The following ADAMTS18 variants were observed in gnomAD, a reference collection of about 807,000 sequenced individuals.
The protein encoded by ADAMTS18 is ADAM metallopeptidase with thrombospondin type 1 motif 18.
A neutral mutation model predicts 165.9 loss-of-function variants in ADAMTS18; 157 were observed. The ratio of observed to expected loss-of-function variants is 0.95; its 90% CI spans 0.83 to 1.08. The LOEUF is 1.08. Ranked by LOEUF, ADAMTS18 falls within the 50% of genes least tolerant of loss-of-function variation. The probability of loss-of-function intolerance (pLI) is 0.00; values close to 1 mark genes in which losing one functional copy is unlikely to be tolerated. For synonymous variants in ADAMTS18, 782 were observed against 578.2 expected, an observed-to-expected ratio of 1.35 and a Z score of -5.06; for missense variants, 2,040 against 1,534.0, an observed-to-expected ratio of 1.33 and a Z score of -5.51.
intron 11 of ADAMTS18, among the ~76,000 whole-genome samples, chr16:77,336,558 C>T (rs977449206): frequency 1.3e-5 from 2 of 152,152 alleles, no homozygotes; most frequent in Non-Finnish European, 2.9e-5. Context: ...ATAAAAGGTG[C>T]CCACTTCAGA....
At chr16:77,352,507 T>C (rs1680676728) in intron 10 of ADAMTS18, among the ~76,000 whole-genome samples, 3 of 152,168 alleles carry the variant, frequency 2.0e-5, no homozygotes, top group Admixed American at 6.5e-5. Flanking sequence ...GCGGTAATAA[T>C]TCTTCCTTGA....
chr16:77,320,137 T>A (rs769166393), intron 15 of ADAMTS18, 44 bp from the exon 16 acceptor site: 3 of 1,612,880 alleles, frequency 1.9e-6, no homozygotes, highest in Admixed American at 3.3e-5. Context: ...ACCCCATGCA[T>A]TGGAGAAAAG....
At chr16:77,317,636 C>G (rs951093717) in intron 16 of ADAMTS18, among the ~76,000 whole-genome samples, 1 of 152,130 alleles carries the variant, frequency 6.6e-6, no homozygotes, top group South Asian at 2.1e-4. Flanking sequence ...TTCTGAAGTT[C>G]TAGCAAATCT....
intron 11 of ADAMTS18, among the ~76,000 whole-genome samples, chr16:77,338,749 C>T (rs986547416): frequency 1.1e-4 from 16 of 151,464 alleles, no homozygotes; most frequent in African/African-American, 3.6e-4. Flanking sequence ...GTCAGGAGAC[C>T]GAGAGCATCC....
intron 3 of ADAMTS18, among the ~76,000 whole-genome samples, chr16:77,427,149 G>A (rs1444880528): frequency 6.6e-6 from 1 of 152,128 alleles, no homozygotes; most frequent in Non-Finnish European, 1.5e-5. Flanking sequence ...ACACCTTCCT[G>A]TGTCCAGCCT....
intron 22 of ADAMTS18, 107 bp from the exon 23 acceptor site, chr16:77,284,178 T>C: frequency 1.4e-6 from 1 of 728,598 alleles, no homozygotes; most frequent in Non-Finnish European, 2.4e-6. Context: ...TGGAGTGCAG[T>C]GGTGTGGTGT....
At chr16:77,359,502 G>A (rs2056680088) in intron 7 of ADAMTS18, 79 bp from the exon 8 acceptor site, 3 of 1,156,514 alleles carry the variant, frequency 2.6e-6, no homozygotes, top group African/African-American at 1.7e-5. Flanking sequence ...TCCTCAAAAT[G>A]TTCTACACAG....
chr16:77,375,604 G>A (rs2056939008), intron 3 of ADAMTS18, among the ~76,000 whole-genome samples: 1 of 152,164 alleles, frequency 6.6e-6, no homozygotes, highest in Admixed American at 6.5e-5. Context: ...GGAAGGGGTG[G>A]TGAGAACAGG....
At chr16:77,364,068 G>C (rs2056755678) in intron 5 of ADAMTS18, 120 bp downstream of exon 5, 3 of 1,361,840 alleles carry the variant, frequency 2.2e-6, no homozygotes, top group Admixed American at 1.7e-5. Flanking sequence ...TAAAAGTAAT[G>C]GCAGAAACTG....
At chr16:77,354,273 G>C (rs527569423) in intron 9 of ADAMTS18, among the ~76,000 whole-genome samples, 1 of 152,276 alleles carries the variant, frequency 6.6e-6, no homozygotes, top group Non-Finnish European at 1.5e-5. Context: ...AAATAAACCA[G>C]ACAGACACAG....
Position 77,434,801 on chromosome 16 carries a change from G to C in ADAMTS18, c.-106C>G. On this transcript the variant is annotated 5_prime_UTR_variant, in exon 1 of 23. Coordinates refer to ENST00000282849, the MANE Select transcript of ADAMTS18 (RefSeq NM_199355.4). ...CCCGGAGCTCGGCGCCCCAGGTGCG[G>C]CTCCAGGTGAGAGCCGCCGCCGTTC... 2.0e-6 allele frequency: 2 copies of C among 1,002,748 alleles called. No individual in the cohort carries two copies. The highest frequency in any genetic ancestry group is 2.8e-5 in the South Asian group (1 of 35,926). The allele number at this position is 1,002,748 out of a possible 1,614,324, so 62.1% of individuals were successfully genotyped here. A position where few individuals can be genotyped will look rare whatever the true frequency, so the allele number is the denominator to read the frequency against.
intron 14 of ADAMTS18, 64 bp downstream of exon 14, chr16:77,322,272 G>T: frequency 1.9e-6 from 3 of 1,591,200 alleles, no homozygotes; most frequent in Non-Finnish European, 2.6e-6. Context: ...CACTGTTCAC[G>T]GTACACACGA....
intron 3 of ADAMTS18, among the ~76,000 whole-genome samples, chr16:77,385,711 G>A (rs376259880): frequency 6.6e-6 from 1 of 152,166 alleles, no homozygotes; most frequent in South Asian, 2.1e-4. Context: ...TTGGGCAGGT[G>A]CACAGTGGAG....
At chr16:77,369,721 G>A (rs567472496) in intron 3 of ADAMTS18, among the ~76,000 whole-genome samples, 2 of 152,038 alleles carry the variant, frequency 1.3e-5, no homozygotes, top group East Asian at 1.9e-4. Flanking sequence ...TTGAAGAGGG[G>A]GTAGTTTTCC....
intron 19 of ADAMTS18, among the ~76,000 whole-genome samples, chr16:77,294,199 T>C (rs1331080699): frequency 6.6e-6 from 1 of 152,114 alleles, no homozygotes; most frequent in African/African-American, 2.4e-5. Context: ...TGAGCTATCA[T>C]CTGCAAGGGA....
chr16:77,333,814 CTATATATTAATAG>C (rs1172747287), intron 12 of ADAMTS18, among the ~76,000 whole-genome samples: 1 of 146,044 alleles, frequency 6.8e-6, no homozygotes, highest in Non-Finnish European at 1.5e-5. Flanking sequence ...AGTACAGATA[CTATATATTAATAG>C]TATATATTAA....
rs769235408 is a variant in ADAMTS18 at position 77,362,198 on chromosome 16, G to C, written c.1123C>G (p.Leu375Val). 10 of 1,614,052 alleles carry C rather than the reference G, an allele frequency of 6.2e-6. No individual in the cohort carries two copies. In the South Asian group the frequency reaches 7.7e-5, roughly 12 times the overall value. Residue 375 changes from leucine (L) to valine (V), a missense_variant, in exon 7 of 23, where the codon CTC (leucine) becomes GTC (valine). Coordinates refer to ENST00000282849, the MANE Select transcript of ADAMTS18 (RefSeq NM_199355.4). ...LNSFCQWQSA[L>V]IGKNGKRHDH... ...TGTCTCTTGCCATTCTTTCCAATGA[G>C]GGCAGACTGCCATTGACAAAAACTA...
intron 3 of ADAMTS18, among the ~76,000 whole-genome samples, chr16:77,370,476 G>T (rs544710617): frequency 6.6e-6 from 1 of 152,164 alleles, no homozygotes; most frequent in African/African-American, 2.4e-5. Context: ...GTGGCCAAGT[G>T]CAGTGGCTCA....
intron 3 of ADAMTS18, among the ~76,000 whole-genome samples, chr16:77,400,773 T>C (rs893097251): frequency 1.3e-5 from 2 of 151,918 alleles, no homozygotes; most frequent in Non-Finnish European, 2.9e-5. Context: ...CTGGCCTCTC[T>C]GTGGTTCTTA....
Sources: gnomAD v4.1 joint callset for allele counts (sites outside exome capture counted in the v4.1 genomes callset) on GRCh38, gnomAD v4.1.1 for gene constraint, MANE v1.5 for transcripts, NCBI Gene and HGNC (gene_info 2026-07-23, HGNC 2026-07-21) for gene names.